CBX5: variants seen among roughly 807,000 people sequenced by gnomAD.
CBX5 encodes the protein chromobox 5.
CBX5 carries 7 observed loss-of-function variants against 20.7 expected under a neutral mutation model. The ratio of observed to expected loss-of-function variants is 0.34; its 90% CI spans 0.19 to 0.63. CBX5 has a LOEUF of 0.63. Ranked by LOEUF, CBX5 falls within the 30% of genes least tolerant of loss-of-function variation. The pLI is 0.75. For missense variants in CBX5, 110 were observed against 224.1 expected, an observed-to-expected ratio of 0.49 and a Z score of 3.25; for synonymous variants, 78 against 77.0, an observed-to-expected ratio of 1.01 and a Z score of -0.07.
chr12:54,276,264 T>A (rs901056566), intron 1 of CBX5, among the ~76,000 whole-genome samples: 1 of 152,282 alleles, frequency 6.6e-6, no homozygotes, highest in Admixed American at 6.5e-5. Context: ...GTTGAAAATA[T>A]GAAAAATTGA....
rs1943615070 is a variant in CBX5 at position 54,235,763 on chromosome 12, TAA to T, written c.*5990_*5991del. The T allele has an allele frequency of 6.6e-6, 1 of 152,232 alleles. No individual in the cohort carries two copies. Among genetic ancestry groups the T allele is most frequent in the Non-Finnish European group, 1.5e-5 (1 of 68,036 alleles). The allele number at this position is 152,232 out of a possible 1,614,324, so 9.4% of individuals were successfully genotyped here. A position where few individuals can be genotyped will look rare whatever the true frequency, so the allele number is the denominator to read the frequency against. The stretch of plus-strand genomic sequence containing the variant: ...TGTCCGTTTTAGGCTTAAAGGCAGT[TAA>T]GTCTCATGTTCATTCCTCCAAAAGG... On this transcript the variant is annotated 3_prime_UTR_variant, in exon 5 of 5. Transcript: ENST00000209875.
intron 3 of CBX5, among the ~76,000 whole-genome samples, chr12:54,248,206 C>G (rs904684454): frequency 6.6e-6 from 1 of 152,066 alleles, no homozygotes; most frequent in Non-Finnish European, 1.5e-5. Context: ...CCACACTGGT[C>G]TTGAACTCCT....
chr12:54,248,056 G>A (rs1291703885), intron 3 of CBX5, among the ~76,000 whole-genome samples: 3 of 151,942 alleles, frequency 2.0e-5, no homozygotes, highest in Admixed American at 2.0e-4. Context: ...TGGCCAGGCT[G>A]GTCTCAAACT....
chr12:54,241,442 G>A lies in CBX5; in HGVS notation c.*313C>T, dbSNP rs950303362. 3.2e-5 allele frequency: 8 copies of A among 246,422 alleles called. No individual in the cohort carries two copies. Among genetic ancestry groups the A allele is most frequent in the Admixed American group, 2.7e-4 (5 of 18,578 alleles). 15.3% of individuals were successfully genotyped at this position (246,422 alleles called of 1,614,324 possible). A position where few individuals can be genotyped will look rare whatever the true frequency, so the allele number is the denominator to read the frequency against. Reference sequence around the variant, plus strand: ...AACCCTGAAAAGATCAAGACTCTAAGGTGATTAAAAAGTTGAAACTCATCT... The same window carrying A: ...AACCCTGAAAAGATCAAGACTCTAAAGTGATTAAAAAGTTGAAACTCATCT... On this transcript the variant is annotated 3_prime_UTR_variant, in exon 5 of 5. Coordinates refer to ENST00000209875, the MANE Select transcript of CBX5 (RefSeq NM_012117.3).
chr12:54,268,302 C>G (rs1341598561), intron 1 of CBX5, among the ~76,000 whole-genome samples: 2 of 152,122 alleles, frequency 1.3e-5, no homozygotes, highest in Non-Finnish European at 2.9e-5. Flanking sequence ...GTTATCGAAC[C>G]TTGCAGGTCT....
In CBX5 at chr12:54,235,238, T is replaced by G. The variant is rs1010701179; in HGVS notation, c.*6517A>C. The G allele has an allele frequency of 6.6e-6, 1 of 152,246 alleles. No homozygotes were observed. The highest frequency in any genetic ancestry group is 2.4e-5 in the African/African-American group (1 of 41,466). The allele number at this position is 152,246 out of a possible 1,614,324, so 9.4% of individuals were successfully genotyped here. On this transcript the variant is annotated 3_prime_UTR_variant, in exon 5 of 5. Transcript: ENST00000209875. The stretch of plus-strand genomic sequence containing the variant: ...CTTAACCCAGCTACGCTTCGATGAT[T>G]AAATCTGAGACTCAGATTTAATATA...
rs1943628973 is a variant in CBX5, at chr12:54,236,903, A to T, written c.*4852T>A. ...AAAATCTCAATAAGAAAATCCCAAA[A>T]ACCTTCCCCAATGCCCTGTGGTTTG... On this transcript the variant is annotated 3_prime_UTR_variant, in exon 5 of 5. Coordinates refer to ENST00000209875, the MANE Select transcript of CBX5 (RefSeq NM_012117.3). 3 of 152,208 alleles carry T rather than the reference A, an allele frequency of 2.0e-5. No individual in the cohort carries two copies. Among genetic ancestry groups the T allele is most frequent in the African/African-American group, 7.2e-5 (3 of 41,452 alleles). The allele number at this position is 152,208 out of a possible 1,614,324, so 9.4% of individuals were successfully genotyped here.
Position 54,256,342 on chromosome 12 carries a change from C to T in CBX5, c.137+1172G>A, listed in dbSNP as rs1041096960. ...TCTTCTGATTGTTGTGCTACCCATA[C>T]TTGCACTCTGGGTGCTAGAGATGCT... On this transcript the variant is annotated intron_variant, in intron 2 of 4. Coordinates refer to ENST00000209875, the MANE Select transcript of CBX5 (RefSeq NM_012117.3). 2.0e-5 allele frequency among the ~76,000 whole-genome samples: 3 copies of T among 152,304 alleles called. No individual in the cohort carries two copies. The South Asian group carries it at 6.2e-4, about 32-fold the overall frequency.
chr12:54,253,057 G>C (rs1943824359), intron 2 of CBX5, among the ~76,000 whole-genome samples: 1 of 151,658 alleles, frequency 6.6e-6, no homozygotes, highest in South Asian at 2.1e-4. Flanking sequence ...CTACAAATGG[G>C]AATCAAGAGA....
intron 3 of CBX5, among the ~76,000 whole-genome samples, chr12:54,248,319 T>C (rs1359169682): frequency 6.6e-6 from 1 of 152,180 alleles, no homozygotes; most frequent in African/African-American, 2.4e-5. Context: ...AACTTTATTA[T>C]GGAAGATAAT....
chr12:54,275,246 GT>G (rs1041275638), intron 1 of CBX5, among the ~76,000 whole-genome samples: 3 of 151,294 alleles, frequency 2.0e-5, no homozygotes, highest in Non-Finnish European at 4.4e-5. Flanking sequence ...ATGTCTCTAA[GT>G]TTTTTTTTCT....
Position 54,231,969 on chromosome 12 carries a change from G to C in CBX5, c.*9786C>G, listed in dbSNP as rs1453412297. ...CTGTCCTGGGATTGGTTGGGGAGTG[G>C]TAAGCAATGACATAAATCAAAACCA... is the stretch of plus-strand genomic sequence containing the variant. On this transcript the variant is annotated 3_prime_UTR_variant, in exon 5 of 5. Coordinates refer to ENST00000209875, the MANE Select transcript of CBX5 (RefSeq NM_012117.3). 1.1e-4 allele frequency: 16 copies of C among 152,156 alleles called. No individual in the cohort carries two copies. The highest frequency in any genetic ancestry group is 1.0e-3 in the Admixed American group (16 of 15,270). The allele number at this position is 152,156 out of a possible 1,614,324, so 9.4% of individuals were successfully genotyped here. A position where few individuals can be genotyped will look rare whatever the true frequency, so the allele number is the denominator to read the frequency against.
Position 54,236,705 on chromosome 12 carries a change from A to AG in CBX5, c.*5049dup, listed in dbSNP as rs1943626504. The AG allele has an allele frequency of 6.6e-6, 1 of 152,156 alleles. No individual in the cohort carries two copies. Among genetic ancestry groups the AG allele is most frequent in the Non-Finnish European group, 1.5e-5 (1 of 68,032 alleles). The allele number at this position is 152,156 out of a possible 1,614,324, so 9.4% of individuals were successfully genotyped here. ...AAGTGGGTTTTTCCTTTAAATTGTG[A>AG]GAAACCATTTCCACATTTCAGATCT... On this transcript the variant is annotated 3_prime_UTR_variant, in exon 5 of 5. Coordinates refer to ENST00000209875, the MANE Select transcript of CBX5 (RefSeq NM_012117.3).
intron 1 of CBX5, among the ~76,000 whole-genome samples, chr12:54,265,129 T>G (rs1943945081): frequency 6.6e-6 from 1 of 152,180 alleles, no homozygotes; most frequent in African/African-American, 2.4e-5. Flanking sequence ...CTTGCACGAT[T>G]CCCACTTCTC....
At chr12:54,264,549 A>G (rs1943941421) in intron 1 of CBX5, among the ~76,000 whole-genome samples, 1 of 152,236 alleles carries the variant, frequency 6.6e-6, no homozygotes, top group African/African-American at 2.4e-5. Context: ...CTTCTTATTA[A>G]GAATGAAAGC....
intron 1 of CBX5, among the ~76,000 whole-genome samples, chr12:54,269,477 C>T (rs953244863): frequency 2.0e-5 from 3 of 152,002 alleles, no homozygotes; most frequent in African/African-American, 7.2e-5. Context: ...CACCCTCCGC[C>T]TCTGAGGTTC....
rs750351826 is a variant in CBX5, at chr12:54,257,660, C to T, written c.-10G>A. Reference sequence around the variant, plus strand: ...TGGTTTTCTTTCCCATGTCGCACACCGTTCCACCTGAAAGACTAAGGCCAC... The same window carrying T: ...TGGTTTTCTTTCCCATGTCGCACACTGTTCCACCTGAAAGACTAAGGCCAC... On this transcript the variant is annotated 5_prime_UTR_variant, in exon 2 of 5. Coordinates refer to ENST00000209875, the MANE Select transcript of CBX5 (RefSeq NM_012117.3). 6.2e-6 allele frequency: 10 copies of T among 1,614,152 alleles called. No homozygotes were observed. The South Asian group carries it at 8.8e-5, about 14-fold the overall frequency.
intron 1 of CBX5, among the ~76,000 whole-genome samples, chr12:54,266,380 A>G (rs913834009): frequency 6.6e-6 from 1 of 152,208 alleles, no homozygotes; most frequent in Non-Finnish European, 1.5e-5. Context: ...CCTGGGCGAC[A>G]GAGCGAGACT....
chr12:54,242,085 ATATAT>A (rs536756977), intron 4 of CBX5, among the ~76,000 whole-genome samples, 180 bp from the exon 5 acceptor site: 3 of 152,208 alleles, frequency 2.0e-5, no homozygotes, highest in African/African-American at 2.4e-5. Flanking sequence ...TTAATAGCTA[ATATAT>A]TATACAGAAA....
Sources: allele counts gnomAD v4.1 joint callset (sites outside exome capture counted in the v4.1 genomes callset), GRCh38; gene constraint gnomAD v4.1.1; transcripts MANE v1.5; gene names NCBI Gene and HGNC (gene_info 2026-07-23, HGNC 2026-07-21).